The following LRRTM4 variants were observed in gnomAD, a reference collection of about 807,000 sequenced individuals.
LRRTM4 encodes the protein leucine-rich repeat transmembrane neuronal protein 4.
Under a neutral mutation model 47.6 loss-of-function variants are expected in LRRTM4, and 25 were observed. The observed-to-expected ratio is 0.53, with a 90% CI of 0.38 to 0.73. The LOEUF (loss-of-function observed/expected upper bound fraction) is 0.73, where lower values mean the gene tolerates loss of function less well. Among genes scored for constraint, LRRTM4 ranks in the 30% least tolerant of loss-of-function variants. The pLI is 0.00. For synonymous variants in LRRTM4, 311 were observed against 269.5 expected, an observed-to-expected ratio of 1.15 and a Z score of -1.51; for missense variants, 638 against 713.4, an observed-to-expected ratio of 0.89 and a Z score of 1.20.
At chr2:76,842,348 A>C (rs527860607) in intron 3 of LRRTM4, among the ~76,000 whole-genome samples, 1 of 152,164 alleles carries the variant, frequency 6.6e-6, no homozygotes, top group Non-Finnish European at 1.5e-5. Context: ...AGTGGAAATT[A>C]TCCTCTGTAA....
At chr2:76,757,751 A>G (rs1673101490) in intron 3 of LRRTM4, among the ~76,000 whole-genome samples, 1 of 152,156 alleles carries the variant, frequency 6.6e-6, no homozygotes, top group Non-Finnish European at 1.5e-5. Flanking sequence ...AAATAATTGT[A>G]GAAGTTTTAA....
At chr2:77,434,409 T>G (rs2103912807) in intron 3 of LRRTM4, among the ~76,000 whole-genome samples, 1 of 151,910 alleles carries the variant, frequency 6.6e-6, no homozygotes. Context: ...ACATGCAACT[T>G]TTGAAACAAA....
intron 3 of LRRTM4, among the ~76,000 whole-genome samples, chr2:76,938,736 A>G (rs989393803): frequency 1.4e-4 from 22 of 152,300 alleles, no homozygotes; most frequent in African/African-American, 5.3e-4. Context: ...AGGCAAAAAC[A>G]CTATTATGGA....
chr2:77,152,636 G>A (rs1672460677), intron 3 of LRRTM4, among the ~76,000 whole-genome samples: 1 of 151,968 alleles, frequency 6.6e-6, no homozygotes, highest in Non-Finnish European at 1.5e-5. Flanking sequence ...CCACTTTTTT[G>A]TATCTTAGTT....
At chr2:77,111,278 T>C (rs2103934579) in intron 3 of LRRTM4, among the ~76,000 whole-genome samples, 1 of 130,336 alleles carries the variant, frequency 7.7e-6, no homozygotes, top group Admixed American at 8.3e-5. Flanking sequence ...TCACCACACC[T>C]GGCTATTTTT....
chr2:77,447,342 A>C (rs968740107), intron 3 of LRRTM4, among the ~76,000 whole-genome samples: 3 of 152,070 alleles, frequency 2.0e-5, no homozygotes, highest in Non-Finnish European at 4.4e-5. Context: ...ATATGTGTAC[A>C]GATATAAATA....
chr2:77,452,252 A>G (rs1676284182), intron 3 of LRRTM4, among the ~76,000 whole-genome samples: 1 of 152,246 alleles, frequency 6.6e-6, no homozygotes, highest in South Asian at 2.1e-4. Context: ...GCAGTGGACT[A>G]CGCAGCATGC....
intron 3 of LRRTM4, among the ~76,000 whole-genome samples, chr2:77,073,293 T>C (rs931375820): frequency 6.6e-6 from 1 of 152,118 alleles, no homozygotes; most frequent in Non-Finnish European, 1.5e-5. Flanking sequence ...CATTATCACA[T>C]ATACTTATTG....
At chr2:76,781,591 C>A (rs1316292419) in intron 3 of LRRTM4, among the ~76,000 whole-genome samples, 2 of 152,356 alleles carry the variant, frequency 1.3e-5, no homozygotes, top group Non-Finnish European at 1.5e-5. Context: ...CCAAGTGAGG[C>A]AATGCCTCGC....
intron 3 of LRRTM4, among the ~76,000 whole-genome samples, chr2:76,944,535 C>G (rs1178954270): frequency 6.6e-6 from 1 of 151,994 alleles, no homozygotes; most frequent in Non-Finnish European, 1.5e-5. Context: ...ATGAGTAGAA[C>G]TGAATGTATT....
intron 3 of LRRTM4, among the ~76,000 whole-genome samples, chr2:77,444,347 A>T (rs1675962078): frequency 6.6e-6 from 1 of 152,142 alleles, no homozygotes; most frequent in Admixed American, 6.6e-5. Context: ...TTATATTTTT[A>T]GTAAAAATTT....
At chr2:77,224,516 A>G (rs967368010) in intron 3 of LRRTM4, among the ~76,000 whole-genome samples, 38 of 152,274 alleles carry the variant, frequency 2.5e-4, no homozygotes, top group Middle Eastern at 6.8e-3. Context: ...ATTTGCAAGA[A>G]GAAAAACAAA....
intron 3 of LRRTM4, among the ~76,000 whole-genome samples, chr2:76,998,179 A>T (rs1677270982): frequency 6.6e-6 from 1 of 152,092 alleles, no homozygotes; most frequent in South Asian, 2.1e-4. Flanking sequence ...CATCCATGAA[A>T]CCAGTCCCTG....
intron 3 of LRRTM4, among the ~76,000 whole-genome samples, chr2:76,807,323 G>A (rs1676018034): frequency 6.7e-6 from 1 of 149,308 alleles, no homozygotes; most frequent in Admixed American, 6.7e-5. Context: ...ATTTTATAGT[G>A]AAGAAACAGA....
chr2:76,754,747 T>A (rs890780429), intron 3 of LRRTM4, among the ~76,000 whole-genome samples: 41 of 152,272 alleles, frequency 2.7e-4, no homozygotes, highest in African/African-American at 9.4e-4. Flanking sequence ...TCTTGACCAC[T>A]ATAACACAGT....
intron 3 of LRRTM4, among the ~76,000 whole-genome samples, chr2:77,172,471 G>T (rs1165807193): frequency 7.9e-5 from 12 of 152,136 alleles, no homozygotes; most frequent in Admixed American, 7.9e-4. Flanking sequence ...GGTCATGCCT[G>T]TAATCTCAGC....
intron 3 of LRRTM4, among the ~76,000 whole-genome samples, chr2:77,365,943 A>T (rs999132714): frequency 6.7e-6 from 1 of 148,820 alleles, no homozygotes; most frequent in African/African-American, 2.4e-5. Flanking sequence ...TTTTTCCTAC[A>T]TTATATATAT....
At chr2:77,041,639 C>G (rs535672993) in intron 3 of LRRTM4, among the ~76,000 whole-genome samples, 19 of 151,264 alleles carry the variant, frequency 1.3e-4, no homozygotes, top group African/African-American at 4.6e-4. Flanking sequence ...ATTCACATTT[C>G]TCTGATGATT....
chr2:77,008,343 T>A (rs1298907890), intron 3 of LRRTM4, among the ~76,000 whole-genome samples: 2 of 152,134 alleles, frequency 1.3e-5, no homozygotes, highest in Non-Finnish European at 2.9e-5. Flanking sequence ...TGTATTTTTT[T>A]AAATAAATTC....
Sources: gnomAD v4.1 joint callset for allele counts (sites outside exome capture counted in the v4.1 genomes callset) on GRCh38, gnomAD v4.1.1 for gene constraint, MANE v1.5 for transcripts, NCBI Gene and HGNC (gene_info 2026-07-23, HGNC 2026-07-21) for gene names.